The following APPL1 variants were observed in gnomAD, a reference collection of about 807,000 sequenced individuals.
The protein encoded by APPL1 is adaptor protein, phosphotyrosine interacting with PH domain and leucine zipper 1, also known as DCC-interacting protein 13-alpha.
Under a neutral mutation model 106.8 loss-of-function variants are expected in APPL1, and 42 were observed. The ratio of observed to expected loss-of-function variants is 0.39; its 90% CI spans 0.31 to 0.51. The LOEUF (loss-of-function observed/expected upper bound fraction) is 0.51. Ranked by LOEUF, APPL1 falls within the 20% of genes least tolerant of loss-of-function variation. The pLI is 0.75. For missense variants in APPL1, 769 were observed against 858.2 expected (o/e 0.90, Z 1.30); for synonymous variants, 263 against 281.8 (o/e 0.93, Z 0.67).
In APPL1 at chr3:57,228,036, G is replaced by A; in HGVS notation, c.54+99G>A. 9.3e-7 allele frequency: 1 copy of A among 1,070,258 alleles called. No individual in the cohort carries two copies. The highest frequency in any genetic ancestry group is 1.2e-6 in the Non-Finnish European group (1 of 828,548). 66.3% of individuals were successfully genotyped at this position (1,070,258 alleles called of 1,614,324 possible). A position where few individuals can be genotyped will look rare whatever the true frequency, so the allele number is the denominator to read the frequency against. On this transcript the variant is annotated intron_variant, in intron 1 of 21. Transcript: ENST00000288266. This position sits in a 1 kb window ranked among gnomAD's most constrained non-coding sequence, Gnocchi z 4.6. ...CCCGCAGGTGCCCGCCCCGGCCCAG[G>A]TGGGGGCCGCCGCCGCCCTAGGTCA... is the stretch of plus-strand genomic sequence containing the variant.
rs142229340 is a variant in APPL1, at chr3:57,267,787, G to C, written c.1888G>C (p.Glu630Gln). Residue 630 changes from glutamate to glutamine, a missense_variant, in exon 20 of 22, where the codon GAA (glutamate) becomes CAA (glutamine). By Grantham distance (29) the Glu-to-Gln change is conservative (BLOSUM62 2). Coordinates refer to ENST00000288266, the MANE Select transcript of APPL1 (RefSeq NM_012096.3). ...GGCAAAACAGATAGCTTTGCATGCT[G>C]AACTGGTAAGAATCCAAGATGTGGC... ...GLAKQIALHA[E>Q]LDRRASEKQK... The C allele has an allele frequency of 5.9e-4, 954 of 1,613,482 alleles. 1 individual carries two copies. The highest frequency in any genetic ancestry group is 1.3e-3 in the Middle Eastern group (8 of 6,062).
At chr3:57,239,177 A>C (rs1042228262) in intron 4 of APPL1, among the ~76,000 whole-genome samples, 4 of 152,190 alleles carry the variant, frequency 2.6e-5, no homozygotes, top group Non-Finnish European at 5.9e-5. Context: ...AACTGCCCCC[A>C]TGATTCAGTT....
chr3:57,242,807 A>C, intron 6 of APPL1, 49 bp from the exon 7 acceptor site: 2 of 1,388,790 alleles, frequency 1.4e-6, no homozygotes, highest in Admixed American at 1.7e-5. Context: ...AGCATTTGTA[A>C]GTTTTGAAAA....
At chr3:57,254,832 C>T (rs1579395394) in intron 13 of APPL1, among the ~76,000 whole-genome samples, 1 of 152,162 alleles carries the variant, frequency 6.6e-6, no homozygotes, top group Non-Finnish European at 1.5e-5. Flanking sequence ...GCCATGTTGG[C>T]CAGGCTGGTC....
At chr3:57,256,488 C>T (rs867836238) in intron 13 of APPL1, among the ~76,000 whole-genome samples, 9 of 152,070 alleles carry the variant, frequency 5.9e-5, no homozygotes, top group Non-Finnish European at 1.0e-4. Context: ...ATTGTGAAAA[C>T]TTTACCAGCA....
Position 57,240,477 on chromosome 3 carries a change from C to A in APPL1, c.298C>A (p.His100Asn), listed in dbSNP as rs376685561. 7.4e-6 allele frequency: 12 copies of A among 1,613,584 alleles called. No homozygotes were observed. Among genetic ancestry groups the A allele is most frequent in the Non-Finnish European group, 1.0e-5 (12 of 1,179,762 alleles). The change falls in exon 5 of 22, where the codon CAT (histidine) becomes AAT (asparagine). Residue 100 changes from histidine to asparagine, a missense_variant. Coordinates refer to ENST00000288266, the MANE Select transcript of APPL1 (RefSeq NM_012096.3). ...TTTCTTTTTCTAGCTTAGCTCTTGT[C>A]ATGCAGTGCTTTCAACTCAACTTGC... Reference protein sequence around the residue: ...SKVIDELSSCHAVLSTQLADA... With the variant: ...SKVIDELSSCNAVLSTQLADA...
chr3:57,243,367 T>G (rs969846275), intron 7 of APPL1, among the ~76,000 whole-genome samples: 1 of 152,234 alleles, frequency 6.6e-6, no homozygotes, highest in Non-Finnish European at 1.5e-5. Context: ...TTACACTATA[T>G]TTGAGGAGAA....
intron 20 of APPL1, chr3:57,268,033 C>T: frequency 3.6e-6 from 2 of 549,670 alleles, no homozygotes; most frequent in Non-Finnish European, 6.5e-6. Context: ...GCGGAGGTTG[C>T]AATGAGCCGA....
At chr3:57,254,186 A>G (rs1329667070) in intron 13 of APPL1, among the ~76,000 whole-genome samples, 3 of 152,176 alleles carry the variant, frequency 2.0e-5, no homozygotes, top group Non-Finnish European at 2.9e-5. Context: ...TTAATGTGCC[A>G]TGAATGTAAT....
intron 19 of APPL1, among the ~76,000 whole-genome samples, chr3:57,265,463 A>G (rs1044302575): frequency 3.3e-5 from 5 of 152,014 alleles, no homozygotes; most frequent in Admixed American, 6.5e-5. Context: ...AGTTTTCATT[A>G]TAGAGATCTT....
At chr3:57,234,078 C>T (rs1053939163) in intron 1 of APPL1, among the ~76,000 whole-genome samples, 5 of 152,062 alleles carry the variant, frequency 3.3e-5, no homozygotes, top group African/African-American at 4.8e-5. Context: ...GAGACCCTAT[C>T]TCAAACAACA....
intron 19 of APPL1, among the ~76,000 whole-genome samples, chr3:57,265,966 T>A (rs572059267): frequency 6.6e-6 from 1 of 152,346 alleles, no homozygotes; most frequent in South Asian, 2.1e-4. Context: ...ATAGTTTTTG[T>A]CCTTTATTCT....
chr3:57,260,922 G>A (rs2060861732), intron 19 of APPL1, 148 bp downstream of exon 19: 1 of 981,702 alleles, frequency 1.0e-6, no homozygotes, highest in Non-Finnish European at 1.4e-6. Flanking sequence ...TGAGGCACAT[G>A]TGAATTTTGT....
chr3:57,234,803 G>A (rs185365853), intron 1 of APPL1, among the ~76,000 whole-genome samples: 4 of 151,560 alleles, frequency 2.6e-5, no homozygotes, highest in South Asian at 4.2e-4. Context: ...CTACAGGCAC[G>A]TGCCACCACA....
chr3:57,253,753 TTA>T lies in APPL1; in HGVS notation c.1152+17_1152+18del, dbSNP rs1171341893. On this transcript the variant is annotated intron_variant, in intron 13 of 21. Transcript: ENST00000288266. ...AAAATCCAGAGGTAATATTTTTATT[TTA>T]TGTTACCCAGATCTAGCAAAATTGA... is the stretch of plus-strand genomic sequence containing the variant. 1.2e-5 allele frequency: 17 copies of T among 1,411,476 alleles called. No homozygotes were observed. Among genetic ancestry groups the T allele is most frequent in the Non-Finnish European group, 1.5e-5 (16 of 1,072,246 alleles). 87.4% of individuals were successfully genotyped at this position (1,411,476 alleles called of 1,614,324 possible).
rs773664502 is a variant in APPL1, at chr3:57,260,778, C to A, written c.1842+4C>A. ...GTCAAACAATGAGGGGGAAAAGGTA[C>A]ATGGCTTTTCAGAATATCTCTGTCA... On this transcript the variant is annotated splice_donor_region_variant and intron_variant, in intron 19 of 21. Coordinates refer to ENST00000288266, the MANE Select transcript of APPL1 (RefSeq NM_012096.3). 2 of 1,601,072 alleles carry A rather than the reference C, an allele frequency of 1.2e-6. No individual in the cohort carries two copies. Among genetic ancestry groups the A allele is most frequent in the Non-Finnish European group, 1.7e-6 (2 of 1,172,578 alleles).
At chr3:57,268,982 G>A (rs2060915422) in intron 21 of APPL1, 1 of 153,072 alleles carries the variant, frequency 6.5e-6, no homozygotes, top group African/African-American at 2.4e-5. Flanking sequence ...GTAAGAGCGT[G>A]TTATGGGTTG....
At chr3:57,243,801 A>G (rs188987023) in intron 7 of APPL1, among the ~76,000 whole-genome samples, 1 of 152,340 alleles carries the variant, frequency 6.6e-6, no homozygotes, top group East Asian at 1.9e-4. Context: ...AAAATTTGAT[A>G]TATTTTACAT....
chr3:57,257,446 A>G lies in APPL1; in HGVS notation c.1430+18A>G, dbSNP rs755339031. On this transcript the variant is annotated intron_variant, in intron 15 of 21. Coordinates refer to ENST00000288266, the MANE Select transcript of APPL1 (RefSeq NM_012096.3). ...GGAGGCAGGTGGGTGATAGCATCAC[A>G]GGTACATTGTGCTGTGGTCTGTAAG... The G allele has an allele frequency of 6.2e-7, 1 of 1,601,208 alleles. No homozygotes were observed. The highest frequency in any genetic ancestry group is 1.1e-5 in the South Asian group (1 of 89,032).
Sources: gnomAD v4.1 joint callset for allele counts (sites outside exome capture counted in the v4.1 genomes callset) on GRCh38, gnomAD v4.1.1 for gene constraint, Gnocchi (gnomAD v3.1) non-coding constraint, MANE v1.5 for transcripts, NCBI Gene and HGNC (gene_info 2026-07-23, HGNC 2026-07-21) for gene names.